Variants in ANKH observed in about 807,000 individuals in gnomAD.
The protein encoded by ANKH is ANKH inorganic pyrophosphate transport regulator.
ANKH carries 15 observed loss-of-function variants against 49.0 expected under a neutral mutation model. The ratio of observed to expected loss-of-function variants is 0.31; its 90% CI spans 0.20 to 0.47. The LOEUF (loss-of-function observed/expected upper bound fraction) is 0.47, where lower values mean the gene tolerates loss of function less well. Among genes scored for constraint, ANKH ranks in the 20% least tolerant of loss-of-function variants. The pLI, the probability that ANKH is intolerant of heterozygous loss-of-function variation, is 1.00. For missense variants in ANKH, 429 were observed against 652.0 expected (o/e 0.66, Z 3.72); for synonymous variants, 273 against 260.0 (o/e 1.05, Z -0.48).
intron 1 of ANKH, among the ~76,000 whole-genome samples, chr5:14,784,846 A>T (rs1739922151): frequency 6.6e-6 from 1 of 152,180 alleles, no homozygotes; most frequent in East Asian, 1.9e-4. Flanking sequence ...TGAGCAAGTG[A>T]GGCCCTAGAA....
chr5:14,714,483 C>T (rs901718915), intron 9 of ANKH, among the ~76,000 whole-genome samples: 2 of 152,126 alleles, frequency 1.3e-5, no homozygotes, highest in South Asian at 2.1e-4. Flanking sequence ...GTGGACAGCA[C>T]CAGGCAAGGG....
intron 8 of ANKH, among the ~76,000 whole-genome samples, chr5:14,719,964 T>C (rs1408728649): frequency 6.6e-6 from 1 of 152,246 alleles, no homozygotes; most frequent in Admixed American, 6.5e-5. Flanking sequence ...CAAGTGATTC[T>C]TCTCTACAAT....
chr5:14,771,533 C>T (rs1561047898), intron 1 of ANKH, among the ~76,000 whole-genome samples: 1 of 152,192 alleles, frequency 6.6e-6, no homozygotes, highest in Non-Finnish European at 1.5e-5. Context: ...CTCTGGGTCG[C>T]TTCTTTGGCC....
intron 1 of ANKH, among the ~76,000 whole-genome samples, chr5:14,842,585 C>T (rs1372233498): frequency 6.6e-6 from 1 of 152,096 alleles, no homozygotes; most frequent in East Asian, 1.9e-4. Context: ...CTGCATAAGA[C>T]CTGGGAAAAC....
chr5:14,739,955 T>C (rs992495865), intron 8 of ANKH, among the ~76,000 whole-genome samples: 8 of 152,218 alleles, frequency 5.3e-5, no homozygotes, highest in Admixed American at 2.6e-4. Flanking sequence ...ATGTAAGCAT[T>C]TTCCCAGATT....
chr5:14,784,001 G>A (rs1247470229), intron 1 of ANKH, among the ~76,000 whole-genome samples: 4 of 152,246 alleles, frequency 2.6e-5, no homozygotes, highest in Non-Finnish European at 5.9e-5. Flanking sequence ...AAAGGAGGCA[G>A]CTTTGTCCTC....
chr5:14,845,563 G>A (rs964708837), intron 1 of ANKH, among the ~76,000 whole-genome samples: 1 of 152,094 alleles, frequency 6.6e-6, no homozygotes, highest in East Asian at 1.9e-4. Flanking sequence ...GACTTGGGTT[G>A]ACAGGGACTT....
intron 1 of ANKH, among the ~76,000 whole-genome samples, chr5:14,802,153 G>A (rs1394775481): frequency 6.6e-6 from 1 of 151,872 alleles, no homozygotes; most frequent in Non-Finnish European, 1.5e-5. Context: ...GTGCTTGTTG[G>A]GTGGCTGGCA....
chr5:14,866,063 T>C (rs947533924), intron 1 of ANKH, among the ~76,000 whole-genome samples: 3 of 152,096 alleles, frequency 2.0e-5, no homozygotes, highest in Non-Finnish European at 2.9e-5. Flanking sequence ...ATTGAGGTAT[T>C]CAGTGCGGTC....
intron 1 of ANKH, chr5:14,797,255 C>T: frequency 7.1e-7 from 1 of 1,405,624 alleles, no homozygotes; most frequent in South Asian, 1.2e-5. Flanking sequence ...CACTGGGATT[C>T]CAGGAGAAAT....
chr5:14,857,849 A>G (rs1297070519), intron 1 of ANKH, among the ~76,000 whole-genome samples: 2 of 152,204 alleles, frequency 1.3e-5, no homozygotes, highest in Non-Finnish European at 2.9e-5. Flanking sequence ...GAACACAGGC[A>G]TATCCAGACC....
chr5:14,838,644 C>T (rs1043280030), intron 1 of ANKH, among the ~76,000 whole-genome samples: 1 of 152,178 alleles, frequency 6.6e-6, no homozygotes, highest in Non-Finnish European at 1.5e-5. Context: ...ATGGGACAAG[C>T]TGTAACACAA....
chr5:14,841,249 CTTA>C (rs1461147023), intron 1 of ANKH, among the ~76,000 whole-genome samples: 1 of 151,538 alleles, frequency 6.6e-6, no homozygotes, highest in Non-Finnish European at 1.5e-5. Flanking sequence ...ATATTTTATA[CTTA>C]TTTTTTAAAT....
chr5:14,719,327 A>G (rs1386204299), intron 8 of ANKH, among the ~76,000 whole-genome samples: 2 of 152,266 alleles, frequency 1.3e-5, no homozygotes, highest in Admixed American at 6.5e-5. Flanking sequence ...TTTACCTCTC[A>G]TGCACACTTT....
At chr5:14,747,700 A>G (rs1738582810) in intron 6 of ANKH, among the ~76,000 whole-genome samples, 5 of 152,242 alleles carry the variant, frequency 3.3e-5, no homozygotes. Flanking sequence ...AACGAGCTTC[A>G]TCTGTTTTAA....
chr5:14,853,262 CTAAA>C (rs1742165805), intron 1 of ANKH, among the ~76,000 whole-genome samples: 2 of 152,150 alleles, frequency 1.3e-5, no homozygotes, highest in Non-Finnish European at 2.9e-5. Flanking sequence ...TACAGAATAT[CTAAA>C]TAACATTAGG....
intron 1 of ANKH, among the ~76,000 whole-genome samples, chr5:14,866,940 T>A (rs928867948): frequency 1.3e-5 from 2 of 152,078 alleles, no homozygotes; most frequent in Admixed American, 6.5e-5. Context: ...GTGGATCACG[T>A]GAGCTCAGGA....
At chr5:14,820,281 T>A (rs555915003) in intron 1 of ANKH, among the ~76,000 whole-genome samples, 1 of 152,250 alleles carries the variant, frequency 6.6e-6, no homozygotes, top group African/African-American at 2.4e-5. Context: ...GAACTTACTC[T>A]GTACCATTTT....
chr5:14,867,780 C>T lies in ANKH; in HGVS notation c.96+3572G>A, dbSNP rs955884712. Among the ~76,000 whole-genome samples, 4 of 152,098 alleles carry T rather than the reference C, an allele frequency of 2.6e-5. 1 individual carries two copies. Among genetic ancestry groups the T allele is most frequent in the Admixed American group, 1.3e-4 (2 of 15,274 alleles). Reference sequence around the variant, plus strand: ...TTCACCTTGTTAGCCAGGATGGTCTCGATCTCCTGACCTCATGATCCACCC... The same window carrying T: ...TTCACCTTGTTAGCCAGGATGGTCTTGATCTCCTGACCTCATGATCCACCC... On this transcript the variant is annotated intron_variant, in intron 1 of 11. Transcript: ENST00000284268.
Sources: allele counts gnomAD v4.1 joint callset (sites outside exome capture counted in the v4.1 genomes callset), GRCh38; gene constraint gnomAD v4.1.1; transcripts MANE v1.5; gene names NCBI Gene and HGNC (gene_info 2026-07-23, HGNC 2026-07-21).